SNX29: variants seen among roughly 807,000 people sequenced by gnomAD.
SNX29 encodes sorting nexin 29.
A neutral mutation model predicts 102.1 loss-of-function variants in SNX29; 78 were observed. That is an observed-to-expected ratio of 0.76 (90% CI 0.64 to 0.92). The LOEUF (loss-of-function observed/expected upper bound fraction) is 0.92. SNX29 is among the 40% of genes least tolerant of loss of function. SNX29 has a pLI of 0.00. For missense variants in SNX29, 1,280 were observed against 1,061.7 expected (o/e 1.21, Z -2.86); for synonymous variants, 580 against 414.5 (o/e 1.40, Z -4.85).
At chr16:12,375,792 G>T (rs1176770576) in intron 16 of SNX29, 1 of 152,176 alleles carries the variant, frequency 6.6e-6, no homozygotes, top group African/African-American at 2.4e-5. Flanking sequence ...TAGCATTTTG[G>T]GAGGCTAAGG....
intron 11 of SNX29, chr16:12,089,947 G>C (rs2052426318): frequency 3.9e-6 from 1 of 257,020 alleles, no homozygotes; most frequent in African/African-American, 2.3e-5. Flanking sequence ...ATACTCTCAG[G>C]CTGCTGACAG....
intron 14 of SNX29, among the ~76,000 whole-genome samples, chr16:12,249,204 C>T (rs973463087): frequency 3.9e-5 from 6 of 152,054 alleles, no homozygotes; most frequent in African/African-American, 1.4e-4. Context: ...CAGCTCATGG[C>T]GGAAATGATT....
chr16:12,302,867 T>A (rs1362013081), intron 15 of SNX29, among the ~76,000 whole-genome samples: 2 of 152,208 alleles, frequency 1.3e-5, no homozygotes, highest in Non-Finnish European at 2.9e-5. Context: ...CACTTCTAGT[T>A]TAAGAGGATC....
chr16:12,351,320 C>A (rs1447157317), intron 15 of SNX29, among the ~76,000 whole-genome samples: 10 of 152,206 alleles, frequency 6.6e-5, no homozygotes, highest in Admixed American at 5.9e-4. Context: ...CTCCCCACAA[C>A]CAGAGTAAAC....
chr16:12,368,625 G>A (rs1044383231), intron 16 of SNX29, among the ~76,000 whole-genome samples: 4 of 152,214 alleles, frequency 2.6e-5, no homozygotes, highest in Non-Finnish European at 4.4e-5. Flanking sequence ...GGAGACAGAG[G>A]TCCTGCTTGG....
At chr16:12,085,587 A>G (rs1234136441) in intron 11 of SNX29, among the ~76,000 whole-genome samples, 1 of 152,172 alleles carries the variant, frequency 6.6e-6, no homozygotes, top group African/African-American at 2.4e-5. Context: ...TCGGCCTCCC[A>G]AAGTGGTGGG....
intron 14 of SNX29, among the ~76,000 whole-genome samples, chr16:12,251,663 A>G (rs1159780748): frequency 2.0e-5 from 3 of 152,332 alleles, no homozygotes; most frequent in Middle Eastern, 3.4e-3. Flanking sequence ...AGATCGTGCC[A>G]TTGCACTCCA....
At chr16:12,278,986 TAA>T (rs2079344011) in intron 15 of SNX29, among the ~76,000 whole-genome samples, 1 of 152,198 alleles carries the variant, frequency 6.6e-6, no homozygotes, top group Non-Finnish European at 1.5e-5. Context: ...TTGGATATGA[TAA>T]AGAGGTTTTT....
intron 19 of SNX29, among the ~76,000 whole-genome samples, chr16:12,479,886 G>A (rs1469841620): frequency 6.6e-6 from 1 of 152,162 alleles, no homozygotes; most frequent in Admixed American, 6.5e-5. Context: ...GATTTGGAAG[G>A]GGAAAACTCT....
intron 20 of SNX29, among the ~76,000 whole-genome samples, chr16:12,561,812 C>G (rs565503773): frequency 6.6e-6 from 1 of 152,122 alleles, no homozygotes; most frequent in Admixed American, 6.5e-5. Context: ...GGCTCATTAC[C>G]GCAGCTTACA....
In SNX29 at chr16:12,509,352, G is replaced by A. The variant is rs377357795; in HGVS notation, c.2179-15350G>A. Among the ~76,000 whole-genome samples, 11 of 152,328 alleles carry A rather than the reference G, an allele frequency of 7.2e-5. 1 individual carries two copies. In the East Asian group the frequency reaches 2.1e-3, roughly 29 times the overall value. Reference sequence around the variant, plus strand: ...CTGGTCCAGGGCCCACACCACCCAAGCAGTTGCTTAGAGGGCTGGGGAGGC... The same window carrying A: ...CTGGTCCAGGGCCCACACCACCCAAACAGTTGCTTAGAGGGCTGGGGAGGC... On this transcript the variant is annotated intron_variant, in intron 19 of 20. Transcript: ENST00000566228.
chr16:12,558,831 G>A (rs1375364298), intron 20 of SNX29, among the ~76,000 whole-genome samples: 3 of 152,212 alleles, frequency 2.0e-5, no homozygotes, highest in Non-Finnish European at 2.9e-5. Context: ...CAGGGCCACA[G>A]TCACCAAGAG....
At chr16:12,507,603 G>C (rs1391255938) in intron 19 of SNX29, among the ~76,000 whole-genome samples, 1 of 152,108 alleles carries the variant, frequency 6.6e-6, no homozygotes, top group South Asian at 2.1e-4. Context: ...AACTTTTTCT[G>C]CAAAGGGCCA....
intron 13 of SNX29, among the ~76,000 whole-genome samples, chr16:12,155,415 G>T (rs4780414): frequency 1.3e-5 from 2 of 151,938 alleles, no homozygotes; most frequent in Admixed American, 1.3e-4. Context: ...TTGAGAGCAC[G>T]GGGATGAGGT....
intron 16 of SNX29, among the ~76,000 whole-genome samples, chr16:12,360,994 G>A (rs2082284103): frequency 6.6e-6 from 1 of 152,214 alleles, no homozygotes. Context: ...GCAGGAACGG[G>A]TATGGGAGAG....
chr16:12,379,816 T>TC (rs1199770694), intron 16 of SNX29, among the ~76,000 whole-genome samples: 7 of 152,192 alleles, frequency 4.6e-5, no homozygotes, highest in Non-Finnish European at 8.8e-5. Flanking sequence ...TCCTAAGTCA[T>TC]CGATCCCGGT....
In SNX29 at chr16:12,002,985, G is replaced by T. The variant is rs759816542; in HGVS notation, c.70-6G>T. ...GCTGATCTCAGCAGCTTCTTTTTCT[G>T]TGCAGTGCCAGATCCGCTTTGGAGG... On this transcript the variant is annotated splice_polypyrimidine_tract_variant and splice_region_variant and intron_variant, in intron 2 of 20. Transcript: ENST00000566228. 1.2e-6 allele frequency: 2 copies of T among 1,614,172 alleles called. No individual in the cohort carries two copies. Among genetic ancestry groups the T allele is most frequent in the Non-Finnish European group, 1.7e-6 (2 of 1,180,024 alleles).
intron 15 of SNX29, among the ~76,000 whole-genome samples, chr16:12,283,179 C>T (rs1423395975): frequency 6.6e-6 from 1 of 152,156 alleles, no homozygotes; most frequent in Non-Finnish European, 1.5e-5. Flanking sequence ...CCTTAGCTTC[C>T]TTTCTCCTCC....
At position 12,532,646 on chromosome 16, in the gene SNX29, C is replaced by T. The variant is rs187817860; in HGVS notation, c.2318+7805C>T. Reference sequence around the variant, plus strand: ...TGGGATGCGATTTCCTGATATAAAACGTGGAATTGGCTGACATATGGGGGA... The same window carrying T: ...TGGGATGCGATTTCCTGATATAAAATGTGGAATTGGCTGACATATGGGGGA... On this transcript the variant is annotated intron_variant, in intron 20 of 20. Transcript: ENST00000566228. 2.6e-4 allele frequency among the ~76,000 whole-genome samples: 40 copies of T among 152,258 alleles called. 1 individual carries two copies. Among genetic ancestry groups the T allele is most frequent in the African/African-American group, 8.7e-4 (36 of 41,530 alleles).
Sources: gnomAD v4.1 joint callset for allele counts (sites outside exome capture counted in the v4.1 genomes callset) on GRCh38, gnomAD v4.1.1 for gene constraint, MANE v1.5 for transcripts, NCBI Gene and HGNC (gene_info 2026-07-23, HGNC 2026-07-21) for gene names.